SCAMP1: variants seen among roughly 807,000 people sequenced by gnomAD.
SCAMP1 encodes secretory carrier-associated membrane protein 1.
SCAMP1 carries 15 observed loss-of-function variants against 41.8 expected under a neutral mutation model. The ratio of observed to expected loss-of-function variants is 0.36; its 90% confidence interval spans 0.24 to 0.55. The LOEUF is 0.55. Among genes scored for constraint, SCAMP1 ranks in the 20% least tolerant of loss-of-function variants. The pLI, the probability that SCAMP1 is intolerant of heterozygous loss-of-function variation, is 0.86. For synonymous variants in SCAMP1, 135 were observed against 136.8 expected (o/e 0.99, Z 0.09); for missense variants, 341 against 412.6 (o/e 0.83, Z 1.50).
chr5:78,409,987 G>T (rs1752030369), intron 2 of SCAMP1, among the ~76,000 whole-genome samples: 1 of 152,110 alleles, frequency 6.6e-6, no homozygotes, highest in Non-Finnish European at 1.5e-5. Context: ...GGGCTTTGGG[G>T]CGATGCTTTT....
Position 78,360,701 on chromosome 5 carries a change from C to T in SCAMP1, c.30C>T (p.Ala10=), listed in dbSNP as rs745464507. 1.2e-6 allele frequency: 2 copies of T among 1,610,776 alleles called. No individual in the cohort carries two copies. The highest frequency in any genetic ancestry group is 1.1e-5 in the South Asian group (1 of 90,204). Residue 10 remains alanine (A), a synonymous_variant, in exon 1 of 9, where the codon GCC becomes GCT. Coordinates refer to ENST00000621999, the MANE Select transcript of SCAMP1 (RefSeq NM_004866.6). The part of the protein sequence containing the change: MSDFDSNPF[A]DPDLNNPFKD... ...CGGATTTCGACAGTAACCCGTTTGC[C>T]GACCCGGATCTCAACAATCCCTTCA... is the stretch of plus-strand genomic sequence containing the variant.
At chr5:78,469,934 A>AAAAAAAAAAAAAAAAG (rs1753843809) in intron 8 of SCAMP1, among the ~76,000 whole-genome samples, 1 of 14,492 alleles carries the variant, frequency 6.9e-5, no homozygotes, top group Non-Finnish European at 1.5e-4. Context: ...AAAAAAAAAC[A>AAAAAAAAAAAAAAAAG]ACAACACAGC....
At chr5:78,438,910 C>CAT (rs1383453536) in intron 6 of SCAMP1, among the ~76,000 whole-genome samples, 1 of 152,266 alleles carries the variant, frequency 6.6e-6, no homozygotes, top group East Asian at 1.9e-4. Context: ...GGATTGAGTG[C>CAT]ATATATATTT....
At chr5:78,444,303 C>A (rs1352580803) in intron 6 of SCAMP1, among the ~76,000 whole-genome samples, 2 of 152,186 alleles carry the variant, frequency 1.3e-5, no homozygotes, top group African/African-American at 4.8e-5. Flanking sequence ...AATGGACTCA[C>A]AGTTCCACAT....
chr5:78,386,852 G>A (rs534242461), intron 1 of SCAMP1, among the ~76,000 whole-genome samples: 28 of 152,190 alleles, frequency 1.8e-4, no homozygotes, highest in African/African-American at 6.0e-4. Context: ...TTTCTTTATA[G>A]GTTACCTGAT....
At chr5:78,417,112 C>T (rs1752229674) in intron 4 of SCAMP1, among the ~76,000 whole-genome samples, 1 of 152,108 alleles carries the variant, frequency 6.6e-6, no homozygotes, top group South Asian at 2.1e-4. Flanking sequence ...TCATATGATG[C>T]CAAAGAAATA....
chr5:78,415,010 G>A (rs1468754372), intron 2 of SCAMP1, among the ~76,000 whole-genome samples: 1 of 150,552 alleles, frequency 6.6e-6, no homozygotes, highest in Non-Finnish European at 1.5e-5. Flanking sequence ...CTGGAGTGCA[G>A]TGGTACAGTC....
chr5:78,415,959 A>G (rs1187157574), intron 3 of SCAMP1, among the ~76,000 whole-genome samples: 1 of 152,228 alleles, frequency 6.6e-6, no homozygotes, highest in Non-Finnish European at 1.5e-5. Context: ...CAATGGTAAA[A>G]TAACAGTGTT....
intron 8 of SCAMP1, among the ~76,000 whole-genome samples, chr5:78,462,135 G>A (rs1056300064): frequency 1.3e-5 from 2 of 151,564 alleles, no homozygotes; most frequent in African/African-American, 4.9e-5. Flanking sequence ...TCAGTGATTT[G>A]CAATTCTTCT....
At chr5:78,448,462 G>C (rs996100150) in intron 6 of SCAMP1, among the ~76,000 whole-genome samples, 11 of 151,922 alleles carry the variant, frequency 7.2e-5, no homozygotes, top group African/African-American at 2.7e-4. Context: ...CAACGATAAA[G>C]GAAAAAGCAA....
chr5:78,437,137 T>C (rs1475623394), intron 6 of SCAMP1, among the ~76,000 whole-genome samples: 2 of 152,208 alleles, frequency 1.3e-5, no homozygotes, highest in Non-Finnish European at 2.9e-5. Context: ...TGATGGGGTT[T>C]TCTAAATATA....
chr5:78,434,427 C>G (rs1033233101), intron 6 of SCAMP1, among the ~76,000 whole-genome samples: 1 of 152,090 alleles, frequency 6.6e-6, no homozygotes, highest in African/African-American at 2.4e-5. Context: ...TTTCTACGTC[C>G]TAAGCTGAAG....
intron 7 of SCAMP1, among the ~76,000 whole-genome samples, chr5:78,452,947 A>C (rs1753277689): frequency 6.7e-6 from 1 of 148,870 alleles, no homozygotes; most frequent in African/African-American, 2.5e-5. Context: ...ACTGATGAGC[A>C]TTTTTTCATG....
At chr5:78,472,189 C>T (rs996790414) in intron 8 of SCAMP1, among the ~76,000 whole-genome samples, 1 of 151,942 alleles carries the variant, frequency 6.6e-6, no homozygotes, top group East Asian at 1.9e-4. Context: ...ATTTAAGCAA[C>T]CATCAACTGG....
At chr5:78,466,725 G>T (rs533756412) in intron 8 of SCAMP1, among the ~76,000 whole-genome samples, 7 of 152,288 alleles carry the variant, frequency 4.6e-5, no homozygotes, top group African/African-American at 1.7e-4. Context: ...GAGTTTTAAG[G>T]AGGAGAGTAA....
intron 8 of SCAMP1, among the ~76,000 whole-genome samples, chr5:78,469,889 T>A: frequency 2.5e-5 from 1 of 40,650 alleles, no homozygotes; most frequent in African/African-American, 1.2e-4. Context: ...TTACAAGACA[T>A]TAAAAAAAAA....
At chr5:78,427,926 A>T (rs1752507476) in intron 6 of SCAMP1, among the ~76,000 whole-genome samples, 1 of 152,106 alleles carries the variant, frequency 6.6e-6, no homozygotes, top group Non-Finnish European at 1.5e-5. Context: ...ATTTTGTTGT[A>T]AGAGTTCTGT....
At chr5:78,413,019 G>C (rs1385010361) in intron 2 of SCAMP1, among the ~76,000 whole-genome samples, 1 of 152,120 alleles carries the variant, frequency 6.6e-6, no homozygotes, top group Admixed American at 6.5e-5. Flanking sequence ...TATTCTAGAA[G>C]CTCAAGAAAT....
chr5:78,392,209 CA>C (rs1751536683), intron 2 of SCAMP1, among the ~76,000 whole-genome samples: 1 of 152,208 alleles, frequency 6.6e-6, no homozygotes, highest in Non-Finnish European at 1.5e-5. Flanking sequence ...TATTCTTCAT[CA>C]AGCTGTCTAC....
Sources: allele counts gnomAD v4.1 joint callset (sites outside exome capture counted in the v4.1 genomes callset), GRCh38; gene constraint gnomAD v4.1.1; transcripts MANE v1.5; gene names NCBI Gene and HGNC (gene_info 2026-07-23, HGNC 2026-07-21).